Variants in RASGEF1A observed in about 807,000 individuals in gnomAD.
RASGEF1A encodes the protein RasGEF domain family member 1A.
Under a neutral mutation model 56.4 loss-of-function variants are expected in RASGEF1A, and 18 were observed. The ratio of observed to expected loss-of-function variants is 0.32; its 90% CI spans 0.22 to 0.47. The LOEUF is 0.47. Among genes scored for constraint, RASGEF1A ranks in the 20% least tolerant of loss-of-function variants. The pLI is 1.00. For missense variants in RASGEF1A, 422 were observed against 627.1 expected (o/e 0.67, Z 3.49); for synonymous variants, 245 against 242.6 (o/e 1.01, Z -0.09).
chr10:43,230,751 C>T (rs955966967), intron 1 of RASGEF1A, among the ~76,000 whole-genome samples: 4 of 152,202 alleles, frequency 2.6e-5, no homozygotes, highest in Non-Finnish European at 5.9e-5. Context: ...CCCACCTCCA[C>T]CCCCACGGCT....
chr10:43,256,014 A>C (rs1840684665), intron 1 of RASGEF1A, among the ~76,000 whole-genome samples: 1 of 152,130 alleles, frequency 6.6e-6, no homozygotes, highest in Admixed American at 6.5e-5. Flanking sequence ...TCTCAGCTTG[A>C]CTGCTCTCTC....
chr10:43,241,304 G>A (rs1840495471), intron 1 of RASGEF1A, among the ~76,000 whole-genome samples: 1 of 152,156 alleles, frequency 6.6e-6, no homozygotes, highest in Non-Finnish European at 1.5e-5. Context: ...TGAATTAAAA[G>A]ACAACTGCAT....
At chr10:43,203,758 G>C (rs930479602) in intron 2 of RASGEF1A, 1 of 1,060,408 alleles carries the variant, frequency 9.4e-7, no homozygotes, top group African/African-American at 1.7e-5. Context: ...CATGGTGCTC[G>C]CTGCGCCAGG....
chr10:43,203,487 G>A, intron 2 of RASGEF1A, 67 bp from the exon 3 acceptor site: 1 of 1,456,132 alleles, frequency 6.9e-7, no homozygotes, highest in South Asian at 1.4e-5. Flanking sequence ...TCACCGCGCT[G>A]CTTCACCTGG....
chr10:43,201,974 C>T (rs757815449), intron 3 of RASGEF1A, 29 bp from the exon 4 acceptor site: 25 of 1,581,566 alleles, frequency 1.6e-5, no homozygotes, highest in Non-Finnish European at 2.0e-5. Flanking sequence ...CAGAGTAAGG[C>T]CCCACAGGGC....
At chr10:43,217,954 G>A (rs1840158985) in intron 1 of RASGEF1A, among the ~76,000 whole-genome samples, 1 of 152,182 alleles carries the variant, frequency 6.6e-6, no homozygotes, top group African/African-American at 2.4e-5. Flanking sequence ...CACAGCAGAT[G>A]GGCAGGGGGC....
chr10:43,220,268 G>C (rs1840190888), intron 1 of RASGEF1A, among the ~76,000 whole-genome samples: 2 of 152,236 alleles, frequency 1.3e-5, no homozygotes, highest in African/African-American at 4.8e-5. Context: ...AGGAAGCCGA[G>C]GTGGAGGATC....
intron 1 of RASGEF1A, among the ~76,000 whole-genome samples, chr10:43,234,727 T>C (rs1267738998): frequency 1.3e-5 from 2 of 152,170 alleles, no homozygotes; most frequent in Non-Finnish European, 1.5e-5. Flanking sequence ...CGCATACCTC[T>C]CTATCCTCTC....
intron 1 of RASGEF1A, among the ~76,000 whole-genome samples, chr10:43,224,280 T>C (rs1348562159): frequency 6.7e-6 from 1 of 150,166 alleles, no homozygotes; most frequent in African/African-American, 2.5e-5. Context: ...GCATGATTTA[T>C]AAATGTGACA....
chr10:43,232,266 G>A (rs545179705), intron 1 of RASGEF1A, among the ~76,000 whole-genome samples: 1 of 152,312 alleles, frequency 6.6e-6, no homozygotes, highest in South Asian at 2.1e-4. Context: ...TAGTGAGTGA[G>A]TGAGTTCTGG....
intron 1 of RASGEF1A, among the ~76,000 whole-genome samples, chr10:43,262,234 C>T (rs930748222): frequency 6.6e-5 from 10 of 152,252 alleles, no homozygotes; most frequent in African/African-American, 2.4e-4. Context: ...TCCCAGCTCC[C>T]GCCAGCCTCC....
At chr10:43,237,583 A>G (rs1189826740) in intron 1 of RASGEF1A, among the ~76,000 whole-genome samples, 1 of 151,978 alleles carries the variant, frequency 6.6e-6, no homozygotes, top group African/African-American at 2.4e-5. Flanking sequence ...TAGAAAGAGC[A>G]GCTGCATCTG....
chr10:43,208,385 G>A (rs1052846571), intron 1 of RASGEF1A: 6 of 985,788 alleles, frequency 6.1e-6, no homozygotes, highest in Non-Finnish European at 6.0e-6. Flanking sequence ...AGCCTGCAGA[G>A]AGACCTGCCT....
At chr10:43,235,340 A>G (rs1018868179) in intron 1 of RASGEF1A, among the ~76,000 whole-genome samples, 1 of 152,146 alleles carries the variant, frequency 6.6e-6, no homozygotes, top group Non-Finnish European at 1.5e-5. Flanking sequence ...TCAAGATACC[A>G]TGGTGTATTT....
intron 1 of RASGEF1A, among the ~76,000 whole-genome samples, chr10:43,221,962 C>T (rs1466498896): frequency 6.6e-6 from 1 of 152,216 alleles, no homozygotes; most frequent in Admixed American, 6.5e-5. Context: ...TACAGTCATG[C>T]GTCCATTCGC....
intron 1 of RASGEF1A, chr10:43,209,001 C>G (rs1840032305): frequency 1.0e-6 from 1 of 985,440 alleles, no homozygotes; most frequent in East Asian, 1.1e-4. Context: ...CCACCCCCAC[C>G]CAGCCCTGAG....
chr10:43,208,323 C>G (rs1213506315), intron 1 of RASGEF1A: 10 of 985,798 alleles, frequency 1.0e-5, no homozygotes, highest in Non-Finnish European at 1.2e-5. Flanking sequence ...CTCTGACACC[C>G]CACAAACTCA....
At chr10:43,202,648 G>GGC in intron 3 of RASGEF1A, 3 of 459,796 alleles carry the variant, frequency 6.5e-6, no homozygotes, top group South Asian at 3.1e-5. Context: ...CCCGCCCCCG[G>GGC]CCCCCGCACC....
At chr10:43,220,829 T>C (rs1840198500) in intron 1 of RASGEF1A, among the ~76,000 whole-genome samples, 1 of 151,142 alleles carries the variant, frequency 6.6e-6, no homozygotes, top group African/African-American at 2.4e-5. Context: ...GTAACTCAGC[T>C]TAGAGTGAAG....
Sources: allele counts gnomAD v4.1 joint callset (sites outside exome capture counted in the v4.1 genomes callset), GRCh38; gene constraint gnomAD v4.1.1; transcripts MANE v1.5; gene names NCBI Gene and HGNC (gene_info 2026-07-23, HGNC 2026-07-21).